Variants in ELMO1 observed in about 807,000 individuals in gnomAD.
The protein encoded by ELMO1 is engulfment and cell motility 1.
A neutral mutation model predicts 98.9 loss-of-function variants in ELMO1; 26 were observed. That is an observed-to-expected ratio of 0.26 (90% CI 0.19 to 0.36). The LOEUF is 0.36. Ranked by LOEUF, ELMO1 falls within the 10% of genes least tolerant of loss-of-function variation. The pLI is 1.00. For missense variants in ELMO1, 627 were observed against 935.2 expected, an observed-to-expected ratio of 0.67 and a Z score of 4.30; for synonymous variants, 346 against 346.0, an observed-to-expected ratio of 1.00 and a Z score of 0.00.
chr7:37,183,864 G>A (rs1791033546), intron 13 of ELMO1, among the ~76,000 whole-genome samples: 1 of 151,994 alleles, frequency 6.6e-6, no homozygotes, highest in South Asian at 2.1e-4. Context: ...AATAATAATA[G>A]CTTACATTTA....
chr7:36,896,663 C>A (rs1032279936), intron 16 of ELMO1, among the ~76,000 whole-genome samples: 2 of 114,306 alleles, frequency 1.7e-5, no homozygotes, highest in East Asian at 2.8e-4. Context: ...TTCACCAGAT[C>A]TGCTGGTTTT....
At chr7:37,215,904 A>T (rs1793253452) in intron 11 of ELMO1, among the ~76,000 whole-genome samples, 1 of 152,206 alleles carries the variant, frequency 6.6e-6, no homozygotes, top group Admixed American at 6.5e-5. Flanking sequence ...GCATTTGAGG[A>T]CCAAGTGTTT....
At chr7:37,271,512 G>A (rs571471711) in intron 5 of ELMO1, 4 of 242,292 alleles carry the variant, frequency 1.7e-5, no homozygotes, top group Admixed American at 5.4e-5. Context: ...CATAAAATAC[G>A]CTAACGATAG....
chr7:37,274,531 T>G (rs751487865), intron 4 of ELMO1, among the ~76,000 whole-genome samples: 2 of 152,120 alleles, frequency 1.3e-5, no homozygotes, highest in Non-Finnish European at 2.9e-5. Context: ...CCCAAGGGTA[T>G]GAAGCGGCCA....
intron 15 of ELMO1, among the ~76,000 whole-genome samples, chr7:37,032,538 C>T (rs1794937217): frequency 6.6e-6 from 1 of 152,156 alleles, no homozygotes; most frequent in African/African-American, 2.4e-5. Flanking sequence ...GCTCTCAGAG[C>T]CGCTGTTGAT....
intron 13 of ELMO1, among the ~76,000 whole-genome samples, chr7:37,182,310 G>T (rs148918070): frequency 3.0e-4 from 46 of 152,272 alleles, no homozygotes; most frequent in African/African-American, 8.9e-4. Flanking sequence ...ATCACTCAGT[G>T]TAACAATCAC....
chr7:37,420,449 T>TA (rs1804424388), intron 1 of ELMO1, among the ~76,000 whole-genome samples: 1 of 152,166 alleles, frequency 6.6e-6, no homozygotes, highest in Admixed American at 6.5e-5. Flanking sequence ...GTTATTTTCA[T>TA]AAAGGGGGCT....
intron 15 of ELMO1, among the ~76,000 whole-genome samples, chr7:37,055,029 C>A (rs925354626): frequency 6.6e-5 from 10 of 152,232 alleles, no homozygotes; most frequent in African/African-American, 2.4e-4. Flanking sequence ...ACCCAGGGAA[C>A]ACATTTCTAA....
intron 13 of ELMO1, among the ~76,000 whole-genome samples, chr7:37,193,678 C>T (rs998481114): frequency 2.0e-5 from 3 of 152,194 alleles, no homozygotes. Flanking sequence ...GAAAATAGGA[C>T]TGCACCAATG....
At chr7:37,071,887 TACAC>T (rs1047429917) in intron 15 of ELMO1, among the ~76,000 whole-genome samples, 14 of 151,806 alleles carry the variant, frequency 9.2e-5, no homozygotes, top group African/African-American at 2.7e-4. Context: ...AGCTTTTAAA[TACAC>T]ACACACGCAC....
At chr7:37,407,697 G>A (rs1291402272) in intron 1 of ELMO1, among the ~76,000 whole-genome samples, 2 of 152,106 alleles carry the variant, frequency 1.3e-5, no homozygotes, top group Non-Finnish European at 2.9e-5. Flanking sequence ...TGGACTGCAG[G>A]GGATTTTTAG....
At chr7:37,150,243 T>C (rs1286013032) in intron 13 of ELMO1, among the ~76,000 whole-genome samples, 5 of 151,282 alleles carry the variant, frequency 3.3e-5, no homozygotes, top group African/African-American at 1.2e-4. Flanking sequence ...TCTGAAGACT[T>C]TGGTCTCTTT....
intron 18 of ELMO1, 88 bp downstream of exon 18, chr7:36,887,472 C>G: frequency 7.8e-7 from 1 of 1,274,698 alleles, no homozygotes; most frequent in South Asian, 1.3e-5. Flanking sequence ...ATGGCCTACC[C>G]GTAAACCAAC....
At chr7:37,381,910 T>G (rs571892624) in intron 1 of ELMO1, among the ~76,000 whole-genome samples, 1 of 152,226 alleles carries the variant, frequency 6.6e-6, no homozygotes, top group Admixed American at 6.5e-5. Context: ...TAAAATATTT[T>G]AAATTATATA....
chr7:36,956,379 A>G (rs139657384), intron 16 of ELMO1, among the ~76,000 whole-genome samples: 65 of 152,304 alleles, frequency 4.3e-4, no homozygotes, highest in Middle Eastern at 3.4e-3. Flanking sequence ...AATTCTGCAT[A>G]TGCCTTCTTG....
At chr7:36,861,966 G>T in intron 20 of ELMO1, 1 of 562,640 alleles carries the variant, frequency 1.8e-6, no homozygotes, top group Non-Finnish European at 3.2e-6. Context: ...TGCAGCCCAT[G>T]TAGCAAGTGT....
intron 16 of ELMO1, among the ~76,000 whole-genome samples, chr7:36,953,087 T>A (rs909301671): frequency 7.5e-5 from 11 of 145,960 alleles, no homozygotes; most frequent in Non-Finnish European, 1.0e-4. Context: ...TGCCTCAGCC[T>A]CCCGAGTAGC....
chr7:37,025,939 T>TC (rs1202437613), intron 15 of ELMO1, among the ~76,000 whole-genome samples: 3 of 90,416 alleles, frequency 3.3e-5, no homozygotes, highest in African/African-American at 1.2e-4. Context: ...CTATCTATTT[T>TC]TTTCTATTGA....
At chr7:36,959,432 T>C (rs568870561) in intron 16 of ELMO1, among the ~76,000 whole-genome samples, 1 of 152,324 alleles carries the variant, frequency 6.6e-6, no homozygotes, top group East Asian at 1.9e-4. Context: ...TGGCTAATGT[T>C]GAGGCTCATA....
Sources: gnomAD v4.1 joint callset for allele counts (sites outside exome capture counted in the v4.1 genomes callset) on GRCh38, gnomAD v4.1.1 for gene constraint, MANE v1.5 for transcripts, NCBI Gene and HGNC (gene_info 2026-07-23, HGNC 2026-07-21) for gene names.